Variants in PLEKHM2 observed in about 807,000 individuals in gnomAD.
PLEKHM2 encodes the protein pleckstrin homology and RUN domain containing M2.
A neutral mutation model predicts 116.3 loss-of-function variants in PLEKHM2; 77 were observed. The observed-to-expected ratio is 0.66, with a 90% CI of 0.55 to 0.80. PLEKHM2 has a LOEUF of 0.80. Among genes scored for constraint, PLEKHM2 ranks in the 30% least tolerant of loss-of-function variants. The pLI is 0.00. For missense variants in PLEKHM2, 1,183 were observed against 1,354.9 expected (o/e 0.87, Z 1.99); for synonymous variants, 562 against 571.0 (o/e 0.98, Z 0.22).
rs1054840694 is a variant in PLEKHM2, at chr1:15,729,779, A to G, written c.2076-18A>G. ...CCTGTTCCCAGGCCTCTAACCACAA[A>G]CCTCACTCCCTATGCAGGTTCTTTT... On this transcript the variant is annotated intron_variant, in intron 13 of 19. Transcript: ENST00000375799. This position sits in a 1 kb window ranked among gnomAD's most constrained non-coding sequence, Gnocchi z 4.7. 2.4e-5 allele frequency: 39 copies of G among 1,603,020 alleles called. No individual in the cohort carries two copies. Among genetic ancestry groups the G allele is most frequent in the Non-Finnish European group, 3.3e-5 (39 of 1,175,542 alleles).
At chr1:15,733,217 A>C (rs1011747556) in intron 19 of PLEKHM2, among the ~76,000 whole-genome samples, 1 of 152,228 alleles carries the variant, frequency 6.6e-6, no homozygotes, top group Non-Finnish European at 1.5e-5. Flanking sequence ...TAGAATCAAA[A>C]GGACAAAACC....
chr1:15,733,372 T>C (rs1404436217), intron 19 of PLEKHM2, among the ~76,000 whole-genome samples: 1 of 152,270 alleles, frequency 6.6e-6, no homozygotes, highest in Non-Finnish European at 1.5e-5. Context: ...CAGTACCCTC[T>C]TCCTTGCCCT....
At chr1:15,701,913 C>A (rs1014960365) in intron 1 of PLEKHM2, among the ~76,000 whole-genome samples, 1 of 152,212 alleles carries the variant, frequency 6.6e-6, no homozygotes, top group Non-Finnish European at 1.5e-5. Flanking sequence ...TCACAAGAGG[C>A]TGCGCCTGAA....
chr1:15,692,654 T>C (rs1571020418), intron 1 of PLEKHM2, among the ~76,000 whole-genome samples: 1 of 152,200 alleles, frequency 6.6e-6, no homozygotes, highest in Non-Finnish European at 1.5e-5. Context: ...CTAAGGCTGG[T>C]CTTGAACTCC....
intron 4 of PLEKHM2, among the ~76,000 whole-genome samples, chr1:15,718,210 C>T (rs977316809): frequency 6.6e-6 from 1 of 152,246 alleles, no homozygotes; most frequent in African/African-American, 2.4e-5. Flanking sequence ...TGGTCCTCCT[C>T]CCAGGCTTCA....
intron 1 of PLEKHM2, among the ~76,000 whole-genome samples, chr1:15,686,648 A>ATTTTTTTTTTTTTTTTTTTTTTTTT (rs1233033159): frequency 2.2e-5 from 3 of 134,230 alleles, no homozygotes; most frequent in African/African-American, 8.9e-5. Context: ...ACCCGGCTAA[A>ATTTTTTTTTTTTTTTTTTTTTTTTT]TTTTTTTTTT....
rs76207666 is a variant in PLEKHM2, at chr1:15,716,522, C to G, written c.167+179C>G. Among the ~76,000 whole-genome samples the G allele has an allele frequency of 4.4e-3, 677 of 152,288 alleles. 7 individuals carry two copies. The highest frequency in any genetic ancestry group is 0.015 in the African/African-American group (603 of 41,548). On this transcript the variant is annotated intron_variant, in intron 2 of 19. Transcript: ENST00000375799. Reference sequence around the variant, plus strand: ...GTTACCCCAGTAAATCATCTCTGGGCAGACATAAATGATGGAGGGAGGATT... The same window carrying G: ...GTTACCCCAGTAAATCATCTCTGGGGAGACATAAATGATGGAGGGAGGATT...
intron 1 of PLEKHM2, among the ~76,000 whole-genome samples, chr1:15,705,961 C>T (rs537006986): frequency 6.6e-6 from 1 of 152,244 alleles, no homozygotes; most frequent in East Asian, 1.9e-4. Flanking sequence ...TGGTGTCGCA[C>T]ACCTGCAGTC....
chr1:15,728,240 C>T lies in PLEKHM2; in HGVS notation c.1831-27C>T, dbSNP rs757145121. On this transcript the variant is annotated intron_variant, in intron 10 of 19. Transcript: ENST00000375799. The surrounding 1 kb of genome is among the most constrained non-coding windows in gnomAD (Gnocchi z 5.9). ...CGCTGGAGCGGCAGGAGCCACCTGC[C>T]TGACCCTTGTCTGCTTCGGCCCCCA... 6.2e-7 allele frequency: 1 copy of T among 1,611,220 alleles called. No individual in the cohort carries two copies. The highest frequency in any genetic ancestry group is 1.3e-5 in the African/African-American group (1 of 74,908).
At chr1:15,686,477 G>A (rs984226246) in intron 1 of PLEKHM2, among the ~76,000 whole-genome samples, 1 of 151,968 alleles carries the variant, frequency 6.6e-6, no homozygotes, top group African/African-American at 2.4e-5. Flanking sequence ...TTTTGTTGTT[G>A]TTGTTGTTGT....
intron 1 of PLEKHM2, among the ~76,000 whole-genome samples, chr1:15,686,928 G>A (rs965749128): frequency 1.3e-5 from 2 of 152,040 alleles, no homozygotes; most frequent in African/African-American, 4.8e-5. Context: ...GGGATTACAG[G>A]CGTGAGCCAC....
intron 5 of PLEKHM2, 143 bp downstream of exon 5, chr1:15,718,768 G>A: frequency 3.2e-6 from 2 of 625,088 alleles, no homozygotes; most frequent in Non-Finnish European, 2.9e-6. Context: ...TGTTTTTTTG[G>A]GCGAGGGAAA....
chr1:15,733,930 G>A lies in PLEKHM2; in HGVS notation c.3056G>A (p.Cys1019Tyr), dbSNP rs1382826122. The change falls in exon 20 of 20, where the codon TGC becomes TAC. Residue 1019 changes from cysteine (C) to tyrosine (Y), a missense_variant. Coordinates refer to ENST00000375799, the MANE Select transcript of PLEKHM2 (RefSeq NM_015164.4). ...GGCCGAGCCTCCCGAGACCCCTGGT[G>A]CTGAGGCAGAGCTGGTTGGCGTCCC... ...CRGRASRDPW[C>Y] 2.5e-6 allele frequency: 4 copies of A among 1,611,542 alleles called. No homozygotes were observed. Among genetic ancestry groups the A allele is most frequent in the Admixed American group, 1.7e-5 (1 of 59,784 alleles).
chr1:15,690,422 G>A (rs574131317), intron 1 of PLEKHM2, among the ~76,000 whole-genome samples: 28 of 152,246 alleles, frequency 1.8e-4, no homozygotes, highest in Admixed American at 7.2e-4. Flanking sequence ...AAGGCCACAT[G>A]GCAAATATTT....
At chr1:15,701,712 A>C (rs1641117067) in intron 1 of PLEKHM2, among the ~76,000 whole-genome samples, 1 of 151,788 alleles carries the variant, frequency 6.6e-6, no homozygotes, top group Non-Finnish European at 1.5e-5. Flanking sequence ...AATGGTGTGA[A>C]CCCGGGAGGC....
At chr1:15,718,439 A>C in intron 4 of PLEKHM2, 99 bp from the exon 5 acceptor site, 2 of 732,488 alleles carry the variant, frequency 2.7e-6, no homozygotes, top group Non-Finnish European at 4.8e-6. Flanking sequence ...GGTGGAGGAC[A>C]TCACGTGTCA....
chr1:15,733,678 TG>T, intron 19 of PLEKHM2, 118 bp from the exon 20 acceptor site: 2 of 1,051,182 alleles, frequency 1.9e-6, no homozygotes, highest in Non-Finnish European at 2.8e-6. Context: ...CAGGGAGAGA[TG>T]GGGAGGGCCT....
At chr1:15,709,881 C>T (rs372257384) in intron 1 of PLEKHM2, among the ~76,000 whole-genome samples, 1 of 152,122 alleles carries the variant, frequency 6.6e-6, no homozygotes, top group South Asian at 2.1e-4. Flanking sequence ...GATAGGAAGA[C>T]TCAATATTGC....
chr1:15,696,469 G>A (rs1383156367), intron 1 of PLEKHM2, among the ~76,000 whole-genome samples: 1 of 152,144 alleles, frequency 6.6e-6, no homozygotes, highest in African/African-American at 2.4e-5. Flanking sequence ...TCCTGTCTCA[G>A]CCTCCCGAGT....
Sources: allele counts gnomAD v4.1 joint callset (sites outside exome capture counted in the v4.1 genomes callset), GRCh38; gene constraint gnomAD v4.1.1; non-coding constraint Gnocchi (gnomAD v3.1); transcripts MANE v1.5; gene names NCBI Gene and HGNC (gene_info 2026-07-23, HGNC 2026-07-21).